The following CNTNAP5 variants were observed in gnomAD, a reference collection of about 807,000 sequenced individuals.
The protein encoded by CNTNAP5 is contactin-associated protein-like 5.
In CNTNAP5, 72 loss-of-function variants were observed where a neutral mutation model predicts 150.2. The observed-to-expected ratio is 0.48, with a 90% CI of 0.40 to 0.58. CNTNAP5 has a LOEUF of 0.58. CNTNAP5 is among the 20% of genes least tolerant of loss of function. The probability of loss-of-function intolerance (pLI) is 0.00; values close to 1 mark genes in which losing one functional copy is unlikely to be tolerated. For synonymous variants in CNTNAP5, 672 were observed against 619.8 expected, an observed-to-expected ratio of 1.08 and a Z score of -1.25; for missense variants, 1,636 against 1,626.2, an observed-to-expected ratio of 1.01 and a Z score of -0.10.
intron 19 of CNTNAP5, among the ~76,000 whole-genome samples, chr2:124,842,354 G>A (rs1682962096): frequency 6.6e-6 from 1 of 152,112 alleles, no homozygotes; most frequent in South Asian, 2.1e-4. Flanking sequence ...CAAAGGGCAG[G>A]CCTGAACCAA....
At chr2:124,577,707 C>T (rs2104945415) in intron 11 of CNTNAP5, among the ~76,000 whole-genome samples, 1 of 152,068 alleles carries the variant, frequency 6.6e-6, no homozygotes, top group African/African-American at 2.4e-5. Flanking sequence ...AATATAGGCA[C>T]CAAACAAGGA....
chr2:124,193,281 C>G (rs1386776474), intron 1 of CNTNAP5, among the ~76,000 whole-genome samples: 1 of 152,216 alleles, frequency 6.6e-6, no homozygotes, highest in African/African-American at 2.4e-5. Context: ...TTCAATGCCT[C>G]TTTTTATTTA....
intron 2 of CNTNAP5, among the ~76,000 whole-genome samples, chr2:124,230,682 C>A (rs547480762): frequency 6.6e-6 from 1 of 151,888 alleles, no homozygotes; most frequent in Non-Finnish European, 1.5e-5. Flanking sequence ...CAGGTGCATG[C>A]CACTGTGCCC....
At chr2:124,123,239 C>T (rs1346692202) in intron 1 of CNTNAP5, among the ~76,000 whole-genome samples, 2 of 152,160 alleles carry the variant, frequency 1.3e-5, no homozygotes, top group Non-Finnish European at 2.9e-5. Flanking sequence ...GCAAATGGCA[C>T]ACCAGGAGAT....
At chr2:124,233,667 C>G (rs995375578) in intron 2 of CNTNAP5, among the ~76,000 whole-genome samples, 1 of 151,964 alleles carries the variant, frequency 6.6e-6, no homozygotes, top group African/African-American at 2.4e-5. Flanking sequence ...CTCCTTCTCT[C>G]TCTCCTCTCC....
intron 3 of CNTNAP5, among the ~76,000 whole-genome samples, chr2:124,415,466 T>G (rs182142498): frequency 6.6e-6 from 1 of 152,176 alleles, no homozygotes. Flanking sequence ...AATCCACAGG[T>G]GCTATTAAAA....
chr2:124,153,530 G>T (rs910388468), intron 1 of CNTNAP5, among the ~76,000 whole-genome samples: 1 of 151,228 alleles, frequency 6.6e-6, no homozygotes, highest in African/African-American at 2.4e-5. Context: ...AGGAGGGCCT[G>T]CTTCTCGGTT....
At chr2:124,408,819 T>A (rs958299924) in intron 3 of CNTNAP5, among the ~76,000 whole-genome samples, 29 of 152,088 alleles carry the variant, frequency 1.9e-4, no homozygotes, top group African/African-American at 7.0e-4. Flanking sequence ...AACTCTAAAA[T>A]GCAGAGCTCC....
intron 3 of CNTNAP5, among the ~76,000 whole-genome samples, chr2:124,338,747 A>T (rs966738941): frequency 4.6e-5 from 7 of 152,112 alleles, no homozygotes; most frequent in African/African-American, 1.7e-4. Flanking sequence ...AAAGTTAAAA[A>T]GTCCTTAGTT....
chr2:124,396,154 T>C (rs1387938167), intron 3 of CNTNAP5, among the ~76,000 whole-genome samples: 2 of 152,178 alleles, frequency 1.3e-5, no homozygotes, highest in African/African-American at 2.4e-5. Flanking sequence ...GCTAAGGAAC[T>C]CCATATGCCT....
At chr2:124,532,733 C>T (rs764070729) in intron 10 of CNTNAP5, among the ~76,000 whole-genome samples, 15 of 152,162 alleles carry the variant, frequency 9.9e-5, no homozygotes, top group Non-Finnish European at 1.6e-4. Flanking sequence ...AACTTTTGTC[C>T]ATGTTTTCCC....
intron 10 of CNTNAP5, among the ~76,000 whole-genome samples, chr2:124,563,008 T>C (rs1305553573): frequency 6.6e-6 from 1 of 152,218 alleles, no homozygotes; most frequent in Non-Finnish European, 1.5e-5. Context: ...CGACTTTCAT[T>C]GCGCAGTAAT....
intron 22 of CNTNAP5, among the ~76,000 whole-genome samples, chr2:124,908,287 C>A (rs996920412): frequency 8.6e-5 from 13 of 152,020 alleles, no homozygotes; most frequent in African/African-American, 3.1e-4. Flanking sequence ...AGGAGAGTAG[C>A]TTGAACCTGG....
chr2:124,365,552 A>G (rs1163157434), intron 3 of CNTNAP5, among the ~76,000 whole-genome samples: 3 of 152,190 alleles, frequency 2.0e-5, no homozygotes, highest in South Asian at 2.1e-4. Flanking sequence ...AAACACTGAA[A>G]CAGTTGGCCC....
At chr2:124,702,346 C>CTTTTTTTTTTTTTTTTTTTTT (rs71412792) in intron 13 of CNTNAP5, among the ~76,000 whole-genome samples, 5 of 52,250 alleles carry the variant, frequency 9.6e-5, no homozygotes, top group Non-Finnish European at 1.3e-4. Flanking sequence ...ACTATGAACA[C>CTTTTTTTTTTTTTTTTTTTTT]TTTTTTTTTT....
rs563900526 is a variant in CNTNAP5, at chr2:124,765,072, A to G, written c.2533+925A>G. Among the ~76,000 whole-genome samples, 26 of 152,252 alleles carry G rather than the reference A, an allele frequency of 1.7e-4. No homozygotes were observed. The East Asian group carries it at 4.1e-3, about 24-fold the overall frequency. On this transcript the variant is annotated intron_variant, in intron 16 of 23. Coordinates refer to ENST00000682447, the MANE Select transcript of CNTNAP5 (RefSeq NM_001367498.1). Reference sequence around the variant, plus strand: ...TTCTATTAATTTTAGTTTGTTTCATATGAAGCAAGAGCTATACAAATAGAT... The same window carrying G: ...TTCTATTAATTTTAGTTTGTTTCATGTGAAGCAAGAGCTATACAAATAGAT...
chr2:124,802,489 A>T (rs1400112509), intron 19 of CNTNAP5, among the ~76,000 whole-genome samples: 3 of 152,202 alleles, frequency 2.0e-5, no homozygotes, highest in Non-Finnish European at 4.4e-5. Flanking sequence ...GCAGAAAGAG[A>T]GACATTTTGA....
At chr2:124,700,945 T>G (rs2105089717) in intron 13 of CNTNAP5, among the ~76,000 whole-genome samples, 1 of 152,236 alleles carries the variant, frequency 6.6e-6, no homozygotes, top group South Asian at 2.1e-4. Context: ...AAGGTTATTA[T>G]ACTGAGGCAA....
At chr2:124,204,183 A>C (rs1416531191) in intron 1 of CNTNAP5, among the ~76,000 whole-genome samples, 2 of 152,054 alleles carry the variant, frequency 1.3e-5, no homozygotes, top group African/African-American at 4.8e-5. Context: ...TCTCTCTCAA[A>C]CTCAGAGTTC....
Sources: allele counts gnomAD v4.1 joint callset (sites outside exome capture counted in the v4.1 genomes callset), GRCh38; gene constraint gnomAD v4.1.1; transcripts MANE v1.5; gene names NCBI Gene and HGNC (gene_info 2026-07-23, HGNC 2026-07-21).